PCDH10: variants seen among roughly 807,000 people sequenced by gnomAD.
The protein encoded by PCDH10 is protocadherin 10.
PCDH10 carries 15 observed loss-of-function variants against 74.4 expected under a neutral mutation model. The observed-to-expected ratio is 0.20, with a 90% confidence interval of 0.13 to 0.31. The LOEUF (loss-of-function observed/expected upper bound fraction) is 0.31, where lower values mean the gene tolerates loss of function less well. Among genes scored for constraint, PCDH10 ranks in the 10% least tolerant of loss-of-function variants. The pLI is 1.00. For missense variants in PCDH10, 1,260 were observed against 1,390.2 expected, an observed-to-expected ratio of 0.91 and a Z score of 1.49; for synonymous variants, 619 against 589.8, an observed-to-expected ratio of 1.05 and a Z score of -0.72.
At chr4:133,158,361 A>G (rs1021202426) in intron 3 of PCDH10, among the ~76,000 whole-genome samples, 1 of 152,054 alleles carries the variant, frequency 6.6e-6, no homozygotes, top group African/African-American at 2.4e-5. Context: ...GCTAAGCTTA[A>G]TTATAGATTT....
rs1262926161 is a variant in PCDH10 at position 133,190,298 on chromosome 4, A to G, written c.*138A>G. On this transcript the variant is annotated 3_prime_UTR_variant, in exon 5 of 5. Coordinates refer to ENST00000264360, the MANE Select transcript of PCDH10 (RefSeq NM_032961.3). ...GTATTAGATTTCGGATGGAGTCATCATGGCCAATTATAGGACCTAATTGCT... is the reference window on the plus strand; with the variant it reads ...GTATTAGATTTCGGATGGAGTCATCGTGGCCAATTATAGGACCTAATTGCT... The G allele has an allele frequency of 5.3e-6, 4 of 747,754 alleles. No individual in the cohort carries two copies. Among genetic ancestry groups the G allele is most frequent in the East Asian group, 5.1e-5 (2 of 39,264 alleles). 46.3% of individuals were successfully genotyped at this position (747,754 alleles called of 1,614,324 possible).
chr4:133,178,398 G>A (rs549023489), intron 4 of PCDH10, among the ~76,000 whole-genome samples: 5 of 151,922 alleles, frequency 3.3e-5, no homozygotes, highest in African/African-American at 9.7e-5. Flanking sequence ...CACCACGACC[G>A]GCTAATTTTG....
chr4:133,205,637 T>A (rs1727984680), intron 2 of PCDH10, among the ~76,000 whole-genome samples: 1 of 152,110 alleles, frequency 6.6e-6, no homozygotes, highest in South Asian at 2.1e-4. Flanking sequence ...GGCTCCTTCG[T>A]TATTTGGATG....
intron 4 of PCDH10, among the ~76,000 whole-genome samples, chr4:133,185,815 T>C (rs2125872210): frequency 6.6e-6 from 1 of 152,268 alleles, no homozygotes; most frequent in South Asian, 2.1e-4. Context: ...TTTCTGCGGT[T>C]TATACAATCA....
intron 4 of PCDH10, among the ~76,000 whole-genome samples, chr4:133,168,071 T>G (rs886251618): frequency 6.6e-6 from 1 of 151,474 alleles, no homozygotes; most frequent in African/African-American, 2.4e-5. Flanking sequence ...CTATTCATAG[T>G]TCGTGTTATT....
chr4:133,151,920 G>T lies in PCDH10; in HGVS notation c.1780G>T (p.Ala594Ser), dbSNP rs1726714201. ...AGCGCGTGAGGTGCTGCCCCGCTCG[G>T]CGGAGCCGGGTTACCTGCTCACCCG... Reference protein sequence around the residue: ...TPAREVLPRSAEPGYLLTRVA... With the variant: ...TPAREVLPRSSEPGYLLTRVA... The change falls in exon 1 of 5, where the codon GCG becomes TCG. Residue 594 changes from alanine to serine, a missense_variant. Ala to Ser is a moderately conservative substitution (Grantham distance 99). Transcript: ENST00000264360. 1 of 1,612,116 alleles carries T rather than the reference G, an allele frequency of 6.2e-7. No homozygotes were observed. The highest frequency in any genetic ancestry group is 8.5e-7 in the Non-Finnish European group (1 of 1,179,612).
chr4:133,183,950 G>C (rs545917474), intron 4 of PCDH10, among the ~76,000 whole-genome samples: 1 of 151,708 alleles, frequency 6.6e-6, no homozygotes, highest in Non-Finnish European at 1.5e-5. Flanking sequence ...ACTGTTTGCC[G>C]ATTTCTTATT....
At chr4:133,181,771 T>G (rs2125870492) in intron 4 of PCDH10, among the ~76,000 whole-genome samples, 2 of 152,210 alleles carry the variant, frequency 1.3e-5, no homozygotes, top group East Asian at 1.9e-4. Context: ...GTAACTGAAT[T>G]ATGTTAGGGA....
At position 133,152,739 on chromosome 4, in the gene PCDH10, A is replaced by G. The variant is rs762544471; in HGVS notation, c.2599A>G (p.Ile867Val). 6.2e-7 allele frequency: 1 copy of G among 1,614,204 alleles called. No individual in the cohort carries two copies. The highest frequency in any genetic ancestry group is 1.7e-5 in the Admixed American group (1 of 60,024). ...CGGTTACACCGACCAGCAGCCTGAT[A>G]TCATCTCCAACGGAAGCATTTTGTC... ...VTGYTDQQPDIISNGSILSNE... is the reference protein window; with the variant it reads ...VTGYTDQQPDVISNGSILSNE... Residue 867 changes from isoleucine to valine, a missense_variant, in exon 1 of 5, where the codon ATC (isoleucine) becomes GTC (valine). This residue lies in a region of PCDH10 where 587 missense variants were observed against 616.9 expected (regional missense o/e 0.95). Transcript: ENST00000264360.
intron 4 of PCDH10, chr4:133,164,053 C>T (rs4461537): frequency 0.2 from 88,610 of 453,090 alleles, 9,713 homozygotes; most frequent in African/African-American, 0.25. Context: ...ATTGTAGTGA[C>T]AACAATAGGT....
chr4:133,155,099 A>G (rs565245717), intron 3 of PCDH10, 76 bp downstream of exon 3: 1 of 971,630 alleles, frequency 1.0e-6, no homozygotes, highest in South Asian at 1.3e-5. Context: ...AGGAAGGATG[A>G]TGTCCTAGGC....
intron 2 of PCDH10, among the ~76,000 whole-genome samples, chr4:133,201,527 G>T (rs17528115): frequency 0.14 from 20,870 of 152,070 alleles, 1,564 homozygotes; most frequent in Non-Finnish European, 0.16. Context: ...AATCTGTGGG[G>T]CTGGGACTGG....
rs750450193 is a variant in PCDH10 at position 133,151,874 on chromosome 4, A to G, written c.1734A>G (p.Leu578=). 3.1e-6 allele frequency: 5 copies of G among 1,612,894 alleles called. No homozygotes were observed. Among genetic ancestry groups the G allele is most frequent in the African/African-American group, 1.3e-5 (1 of 74,936 alleles). Reference sequence around the variant, plus strand: ...ACGCCCCTGCCATCGTGGCGCCTCTACCAGGGCGCAACGGGACTCCAGCGC... The same window carrying G: ...ACGCCCCTGCCATCGTGGCGCCTCTGCCAGGGCGCAACGGGACTCCAGCGC... ...NDNAPAIVAP[L]PGRNGTPARE... The change falls in exon 1 of 5, where the codon CTA becomes CTG. Residue 578 remains leucine (L), a synonymous_variant. Coordinates refer to ENST00000264360, the MANE Select transcript of PCDH10 (RefSeq NM_032961.3).
intron 2 of PCDH10, among the ~76,000 whole-genome samples, chr4:133,201,205 C>T (rs1214160515): frequency 6.6e-6 from 1 of 152,138 alleles, no homozygotes; most frequent in Non-Finnish European, 1.5e-5. Flanking sequence ...AATAATTCCA[C>T]CCCAGTTAGC....
In PCDH10 at chr4:133,149,893, T is replaced by A. The variant is rs903941606; in HGVS notation, c.-248T>A. On this transcript the variant is annotated 5_prime_UTR_variant, in exon 1 of 5. Coordinates refer to ENST00000264360, the MANE Select transcript of PCDH10 (RefSeq NM_032961.3). ...TTTTATTAATTAGTCAGTGGAAAGA[T>A]TACAGATGAGGAAAGGGGACGCCTG... 3 of 404,874 alleles carry A rather than the reference T, an allele frequency of 7.4e-6. No individual in the cohort carries two copies. The South Asian group carries it at 2.1e-4, about 29-fold the overall frequency. The allele number at this position is 404,874 out of a possible 1,614,324, so 25.1% of individuals were successfully genotyped here.
At chr4:133,199,886 C>T (rs1727868672) in intron 2 of PCDH10, among the ~76,000 whole-genome samples, 4 of 150,800 alleles carry the variant, frequency 2.7e-5, no homozygotes, top group Non-Finnish European at 5.9e-5. Context: ...CAAGTTCCGC[C>T]TCCCGAGTTC....
intron 4 of PCDH10, among the ~76,000 whole-genome samples, chr4:133,187,279 A>G (rs533160303): frequency 3.3e-5 from 5 of 152,204 alleles, no homozygotes; most frequent in Admixed American, 1.3e-4. Flanking sequence ...GAATGAAGTG[A>G]TGTGCCTGGT....
intron 4 of PCDH10, among the ~76,000 whole-genome samples, chr4:133,175,136 C>T (rs768348844): frequency 6.6e-6 from 1 of 151,746 alleles, no homozygotes; most frequent in Non-Finnish European, 1.5e-5. Context: ...AAAGGCATAT[C>T]ATATTGTTTT....
Position 133,190,187 on chromosome 4 carries a change from A to G in PCDH10, c.*27A>G. On this transcript the variant is annotated 3_prime_UTR_variant, in exon 5 of 5. Transcript: ENST00000264360. ...CAATTCTACAGGACTTACCTGAAGC[A>G]GCATGATTTGCACAAAGTCGACCAA... 1 of 1,605,938 alleles carries G rather than the reference A, an allele frequency of 6.2e-7. No individual in the cohort carries two copies. Among genetic ancestry groups the G allele is most frequent in the Non-Finnish European group, 8.5e-7 (1 of 1,172,788 alleles).
Sources: gnomAD v4.1 joint callset for allele counts (sites outside exome capture counted in the v4.1 genomes callset) on GRCh38, gnomAD v4.1.1 for gene constraint, gnomAD v4.1.1 regional missense constraint, MANE v1.5 for transcripts, NCBI Gene and HGNC (gene_info 2026-07-23, HGNC 2026-07-21) for gene names.